CAMTA1: variants seen among roughly 807,000 people sequenced by gnomAD.
CAMTA1 encodes the protein calmodulin-binding transcription activator 1.
Under a neutral mutation model 170.9 loss-of-function variants are expected in CAMTA1, and 27 were observed. The ratio of observed to expected loss-of-function variants is 0.16; its 90% CI spans 0.12 to 0.22. CAMTA1 has a LOEUF of 0.22. Among genes scored for constraint, CAMTA1 ranks in the 10% least tolerant of loss-of-function variants. CAMTA1 has a pLI of 1.00. For missense variants in CAMTA1, 1,619 were observed against 2,217.2 expected (o/e 0.73, Z 5.42); for synonymous variants, 833 against 891.5 (o/e 0.93, Z 1.17).
chr1:7,490,793 G>A (rs945083268), intron 6 of CAMTA1, among the ~76,000 whole-genome samples: 11 of 152,222 alleles, frequency 7.2e-5, no homozygotes, highest in African/African-American at 2.7e-4. Flanking sequence ...TGACTGGGTT[G>A]TCAGGCCGAG....
chr1:7,568,529 T>C (rs570671004), intron 6 of CAMTA1, among the ~76,000 whole-genome samples: 2 of 137,902 alleles, frequency 1.5e-5, no homozygotes, highest in Non-Finnish European at 1.5e-5. Flanking sequence ...ACAACCATCA[T>C]CAGCATCACC....
At chr1:7,652,652 A>G (rs914081725) in intron 7 of CAMTA1, among the ~76,000 whole-genome samples, 3 of 152,162 alleles carry the variant, frequency 2.0e-5, no homozygotes, top group African/African-American at 7.2e-5. Flanking sequence ...CACAGTCACC[A>G]GCCCCTGGTG....
intron 4 of CAMTA1, among the ~76,000 whole-genome samples, chr1:7,126,953 T>G (rs1644969295): frequency 6.6e-6 from 1 of 152,124 alleles, no homozygotes; most frequent in African/African-American, 2.4e-5. Context: ...GTATTTTTAG[T>G]AGAGATGGGG....
At chr1:7,229,246 C>T (rs1042707755) in intron 4 of CAMTA1, among the ~76,000 whole-genome samples, 3 of 151,442 alleles carry the variant, frequency 2.0e-5, no homozygotes, top group Admixed American at 6.6e-5. Context: ...TGCCCTGGCA[C>T]TGTGGGCCAT....
intron 11 of CAMTA1, among the ~76,000 whole-genome samples, chr1:7,708,008 A>G (rs1052935214): frequency 5.3e-5 from 8 of 152,166 alleles, no homozygotes; most frequent in Non-Finnish European, 1.0e-4. Flanking sequence ...ACTCATTAAA[A>G]CCATGATATG....
intron 5 of CAMTA1, among the ~76,000 whole-genome samples, chr1:7,285,416 G>A (rs1397723448): frequency 6.6e-6 from 1 of 152,130 alleles, no homozygotes; most frequent in Non-Finnish European, 1.5e-5. Flanking sequence ...CTGGCCATGG[G>A]GCTGCCTCTA....
At chr1:7,705,960 C>T (rs183031327) in intron 11 of CAMTA1, among the ~76,000 whole-genome samples, 15 of 152,274 alleles carry the variant, frequency 9.9e-5, no homozygotes, top group Non-Finnish European at 1.6e-4. Context: ...GATTGGGTTT[C>T]TAGGTATTGC....
chr1:6,799,663 C>T (rs756630120), intron 1 of CAMTA1, among the ~76,000 whole-genome samples: 23 of 151,960 alleles, frequency 1.5e-4, no homozygotes, highest in Admixed American at 1.0e-3. Context: ...GCGATGACCT[C>T]GAAAGTTCCT....
At chr1:7,535,131 G>C (rs1280868295) in intron 6 of CAMTA1, among the ~76,000 whole-genome samples, 1 of 151,556 alleles carries the variant, frequency 6.6e-6, no homozygotes. Flanking sequence ...GTCCATGCCA[G>C]GGGTGAGAGC....
chr1:6,847,128 C>A (rs780209947), intron 3 of CAMTA1, among the ~76,000 whole-genome samples: 1 of 151,570 alleles, frequency 6.6e-6, no homozygotes, highest in Non-Finnish European at 1.5e-5. Context: ...CTCAGCCTAC[C>A]GAGTAGCTGG....
intron 7 of CAMTA1, among the ~76,000 whole-genome samples, chr1:7,654,731 CCA>C (rs1414869331): frequency 9.9e-5 from 12 of 121,814 alleles, no homozygotes; most frequent in Non-Finnish European, 6.7e-5. Context: ...ATACACACAC[CCA>C]CACACCTATA....
At chr1:7,266,285 C>T (rs1028382254) in intron 5 of CAMTA1, among the ~76,000 whole-genome samples, 8 of 152,232 alleles carry the variant, frequency 5.3e-5, no homozygotes, top group South Asian at 2.1e-4. Context: ...CTTTGGACAC[C>T]GGTGTGTTCA....
Position 7,275,869 on chromosome 1 carries a change from A to C in CAMTA1, c.438+26243A>C, listed in dbSNP as rs1331705448. 3.9e-5 allele frequency among the ~76,000 whole-genome samples: 6 copies of C among 152,288 alleles called. No homozygotes were observed. In the East Asian group the frequency reaches 1.2e-3, roughly 29 times the overall value. ...ACCAAACATTTTCAGAAAATATAGG[A>C]TGATAGAACACTTGTCAGGTCATTT... On this transcript the variant is annotated intron_variant, in intron 5 of 22. Coordinates refer to ENST00000303635, the MANE Select transcript of CAMTA1 (RefSeq NM_015215.4).
chr1:6,926,726 T>C (rs72638539), intron 3 of CAMTA1, among the ~76,000 whole-genome samples: 3,444 of 150,300 alleles, frequency 0.023, 66 homozygotes, highest in Middle Eastern at 0.038. Context: ...TCTCTTTTCT[T>C]TCTTTCTTTC....
chr1:7,544,864 C>A (rs1319903096), intron 6 of CAMTA1, among the ~76,000 whole-genome samples: 1 of 152,190 alleles, frequency 6.6e-6, no homozygotes, highest in Non-Finnish European at 1.5e-5. Context: ...TAACAACTCG[C>A]TTTCTCCGGA....
intron 5 of CAMTA1, among the ~76,000 whole-genome samples, chr1:7,453,529 C>T (rs1183003973): frequency 1.3e-5 from 2 of 152,234 alleles, no homozygotes; most frequent in African/African-American, 2.4e-5. Flanking sequence ...TAGTTCTAGG[C>T]ACTATGCTGG....
intron 3 of CAMTA1, among the ~76,000 whole-genome samples, chr1:6,858,678 C>T (rs1663438264): frequency 6.6e-6 from 1 of 152,110 alleles, no homozygotes; most frequent in South Asian, 2.1e-4. Context: ...TTTTGTGTGT[C>T]TGAAATCGTA....
intron 3 of CAMTA1, among the ~76,000 whole-genome samples, chr1:6,837,849 T>C (rs1371889393): frequency 6.6e-6 from 1 of 152,208 alleles, no homozygotes; most frequent in Non-Finnish European, 1.5e-5. Context: ...GAACCTGCTG[T>C]GTGGTGATTA....
At chr1:6,974,261 A>G (rs1286340512) in intron 3 of CAMTA1, among the ~76,000 whole-genome samples, 2 of 152,242 alleles carry the variant, frequency 1.3e-5, no homozygotes, top group African/African-American at 2.4e-5. Context: ...TTTTTCATAC[A>G]GTAACAAAAC....
Sources: allele counts gnomAD v4.1 joint callset (sites outside exome capture counted in the v4.1 genomes callset), GRCh38; gene constraint gnomAD v4.1.1; transcripts MANE v1.5; gene names NCBI Gene and HGNC (gene_info 2026-07-23, HGNC 2026-07-21).